NEO1: variants seen among roughly 807,000 people sequenced by gnomAD.
NEO1 encodes neogenin.
A neutral mutation model predicts 159.7 loss-of-function variants in NEO1; 63 were observed. The ratio of observed to expected loss-of-function variants is 0.39; its 90% CI spans 0.32 to 0.49. NEO1 has a LOEUF of 0.49. Among genes scored for constraint, NEO1 ranks in the 20% least tolerant of loss-of-function variants. The probability of loss-of-function intolerance (pLI) is 0.85; values close to 1 mark genes in which losing one functional copy is unlikely to be tolerated. For missense variants in NEO1, 1,615 were observed against 1,831.0 expected (o/e 0.88, Z 2.15); for synonymous variants, 633 against 662.0 (o/e 0.96, Z 0.67).
At chr15:73,064,639 AT>A (rs993925456) in intron 1 of NEO1, among the ~76,000 whole-genome samples, 4 of 148,876 alleles carry the variant, frequency 2.7e-5, no homozygotes, top group East Asian at 2.0e-4. Flanking sequence ...TAGTTTCTTA[AT>A]TTTTTTTTTA....
At chr15:73,152,844 A>C (rs2033485520) in intron 5 of NEO1, among the ~76,000 whole-genome samples, 1 of 152,112 alleles carries the variant, frequency 6.6e-6, no homozygotes, top group Non-Finnish European at 1.5e-5. Flanking sequence ...TTCTGTGTTG[A>C]TGATTGTGGT....
intron 2 of NEO1, among the ~76,000 whole-genome samples, chr15:73,120,990 A>AT (rs1416808052): frequency 1.3e-5 from 2 of 152,014 alleles, no homozygotes; most frequent in Admixed American, 6.6e-5. Flanking sequence ...CCAAAGACAT[A>AT]TTTTTTCGGA....
intron 1 of NEO1, among the ~76,000 whole-genome samples, chr15:73,099,475 G>A (rs2070278688): frequency 6.6e-6 from 1 of 152,168 alleles, no homozygotes; most frequent in Non-Finnish European, 1.5e-5. Context: ...GAAAGCTTGT[G>A]TATGCATAGA....
intron 7 of NEO1, among the ~76,000 whole-genome samples, chr15:73,209,797 GC>G (rs2037448571): frequency 6.6e-6 from 1 of 152,036 alleles, no homozygotes; most frequent in Admixed American, 6.6e-5. Context: ...TTCAAGACCA[GC>G]CTGGCCAACA....
At chr15:73,209,218 A>T (rs187765410) in intron 7 of NEO1, among the ~76,000 whole-genome samples, 1 of 152,352 alleles carries the variant, frequency 6.6e-6, no homozygotes, top group Admixed American at 6.5e-5. Context: ...AATATGACTA[A>T]TCTGTTGAGA....
chr15:73,186,170 GA>G (rs553588641), intron 7 of NEO1, among the ~76,000 whole-genome samples: 5,255 of 139,678 alleles, frequency 0.038, 262 homozygotes, highest in African/African-American at 0.12. Context: ...CTTTTTGCCA[GA>G]AAAAAAAAAA....
At position 73,187,294 on chromosome 15, in the gene NEO1, G is replaced by C. The variant is rs184133317; in HGVS notation, c.1291+8867G>C. ...TTCTCCCTTTAACAGTTCCTTTTTG[G>C]AGTGACTAGGGCACATTTCCTCCTC... is the stretch of plus-strand genomic sequence containing the variant. On this transcript the variant is annotated intron_variant, in intron 7 of 28. Transcript: ENST00000261908. Among the ~76,000 whole-genome samples the C allele has an allele frequency of 2.9e-3, 437 of 151,888 alleles. 3 individuals are homozygous for C. The highest frequency in any genetic ancestry group is 0.01 in the African/African-American group (414 of 41,392).
Position 73,270,087 on chromosome 15 carries a change from G to A in NEO1, c.2572G>A (p.Val858Met), listed in dbSNP as rs367743216. ...VPDPTPMMPP[V>M]GVQASILSHD... ...AGATCCCACTCCCATGATGCCACCA[G>A]TGGGAGTTCAGGCTTCCATTCTGAG... The change falls in exon 17 of 29, where the codon GTG becomes ATG. Residue 858 changes from valine to methionine, a missense_variant. This residue lies in a region of NEO1 where 1,018 missense variants were observed against 1,115.4 expected (regional missense o/e 0.91). Coordinates refer to ENST00000261908, the MANE Select transcript of NEO1 (RefSeq NM_002499.4). 2 of 1,614,016 alleles carry A rather than the reference G, an allele frequency of 1.2e-6. No individual in the cohort carries two copies. The highest frequency in any genetic ancestry group is 1.1e-5 in the South Asian group (1 of 91,084).
intron 1 of NEO1, among the ~76,000 whole-genome samples, chr15:73,056,425 T>C (rs2067699045): frequency 6.6e-6 from 1 of 152,246 alleles, no homozygotes; most frequent in South Asian, 2.1e-4. Flanking sequence ...ACTTATTTTC[T>C]TGTCTTTTCT....
At chr15:73,110,171 A>T (rs755587633) in intron 1 of NEO1, among the ~76,000 whole-genome samples, 63 of 152,202 alleles carry the variant, frequency 4.1e-4, no homozygotes, top group Non-Finnish European at 7.8e-4. Flanking sequence ...GAAATGTAGG[A>T]TTTGGAGACT....
At position 73,260,450 on chromosome 15, in the gene NEO1, A is replaced by G. The variant is rs2040571038; in HGVS notation, c.2383A>G (p.Thr795Ala). 1 of 1,593,656 alleles carries G rather than the reference A, an allele frequency of 6.3e-7. No homozygotes were observed. The highest frequency in any genetic ancestry group is 1.1e-5 in the South Asian group (1 of 89,236). The change falls in exon 15 of 29, where the codon ACC (threonine) becomes GCC (alanine). Residue 795 changes from threonine (T) to alanine (A), a missense_variant. Thr to Ala is a moderately conservative substitution (Grantham distance 58). Around this residue, in one of 3 missense-constraint regions of NEO1, gnomAD observed 1,018 missense variants for 1,115.4 expected, o/e 0.91. Coordinates refer to ENST00000261908, the MANE Select transcript of NEO1 (RefSeq NM_002499.4). The part of the protein sequence containing the change: ...IKVDYKQRYY[T>A]IENLDPSSHY... ...AGTGGACTATAAACAGCGCTATTAC[A>G]CCATTGAAAATCTGGGTATGTTTGC...
intron 26 of NEO1, among the ~76,000 whole-genome samples, chr15:73,295,351 G>A (rs898249303): frequency 2.0e-5 from 3 of 151,702 alleles, no homozygotes; most frequent in African/African-American, 7.3e-5. Flanking sequence ...GCCCAACCCT[G>A]TTTCTCCATC....
chr15:73,152,183 T>C (rs887389307), intron 5 of NEO1, among the ~76,000 whole-genome samples: 2 of 152,236 alleles, frequency 1.3e-5, no homozygotes, highest in Non-Finnish European at 2.9e-5. Flanking sequence ...TCTTCTCTTA[T>C]GTTGGGTATG....
intron 7 of NEO1, among the ~76,000 whole-genome samples, chr15:73,205,209 A>G (rs1035032651): frequency 6.6e-6 from 1 of 152,180 alleles, no homozygotes; most frequent in Non-Finnish European, 1.5e-5. Flanking sequence ...TTTCTCCAGT[A>G]GTACAGCTTT....
intron 5 of NEO1, among the ~76,000 whole-genome samples, chr15:73,149,013 A>G (rs1281837219): frequency 6.6e-6 from 1 of 152,038 alleles, no homozygotes; most frequent in Non-Finnish European, 1.5e-5. Flanking sequence ...TTTCTTGTTG[A>G]TGATTTCAAA....
chr15:73,163,784 G>C (rs1193447255), intron 5 of NEO1, among the ~76,000 whole-genome samples: 2 of 152,138 alleles, frequency 1.3e-5, no homozygotes, highest in Admixed American at 1.3e-4. Context: ...TGTAACATAT[G>C]CTTTAGACCT....
rs193161780 is a variant in NEO1, at chr15:73,299,544, C to T, written c.4165+933C>T. Among the ~76,000 whole-genome samples, 407 of 152,212 alleles carry T rather than the reference C, an allele frequency of 2.7e-3. 2 individuals are homozygous for T. Among genetic ancestry groups the T allele is most frequent in the Middle Eastern group, 0.01 (3 of 294 alleles). On this transcript the variant is annotated intron_variant, in intron 27 of 28. Coordinates refer to ENST00000261908, the MANE Select transcript of NEO1 (RefSeq NM_002499.4). ...GGGACTACAGGTGCCCACCACCATGCGCAGCTAATTTTTTGTGTATTTAGT... is the reference window on the plus strand; with the variant it reads ...GGGACTACAGGTGCCCACCACCATGTGCAGCTAATTTTTTGTGTATTTAGT...
intron 1 of NEO1, among the ~76,000 whole-genome samples, chr15:73,110,011 T>A (rs1246769620): frequency 6.6e-6 from 1 of 152,190 alleles, no homozygotes; most frequent in Non-Finnish European, 1.5e-5. Flanking sequence ...CGCTTAAGTG[T>A]TGCCTGCTCT....
At chr15:73,186,011 A>G (rs530549377) in intron 7 of NEO1, among the ~76,000 whole-genome samples, 7 of 152,144 alleles carry the variant, frequency 4.6e-5, no homozygotes, top group South Asian at 4.1e-4. Flanking sequence ...TGATGATGAT[A>G]ATAATAATAA....
Sources: allele counts gnomAD v4.1 joint callset (sites outside exome capture counted in the v4.1 genomes callset), GRCh38; gene constraint gnomAD v4.1.1; regional missense constraint gnomAD v4.1.1; transcripts MANE v1.5; gene names NCBI Gene and HGNC (gene_info 2026-07-23, HGNC 2026-07-21).